The following CCSER1 variants were observed in gnomAD, a reference collection of about 807,000 sequenced individuals.
CCSER1 encodes serine-rich coiled-coil domain-containing protein 1.
Under a neutral mutation model 82.0 loss-of-function variants are expected in CCSER1, and 41 were observed. The observed-to-expected ratio is 0.50, with a 90% CI of 0.39 to 0.65. The LOEUF (loss-of-function observed/expected upper bound fraction) is 0.65. Among genes scored for constraint, CCSER1 ranks in the 30% least tolerant of loss-of-function variants. The probability of loss-of-function intolerance (pLI) is 0.00; values close to 1 mark genes in which losing one functional copy is unlikely to be tolerated. For missense variants in CCSER1, 1,119 were observed against 1,064.2 expected, an observed-to-expected ratio of 1.05 and a Z score of -0.72; for synonymous variants, 414 against 383.9, an observed-to-expected ratio of 1.08 and a Z score of -0.92.
chr4:90,511,938 T>C (rs1053572704), intron 5 of CCSER1, among the ~76,000 whole-genome samples: 40 of 152,018 alleles, frequency 2.6e-4, no homozygotes, highest in African/African-American at 9.2e-4. Context: ...TGAGAAAGTT[T>C]TGTTTGTTCT....
chr4:90,455,287 A>T (rs1762019880), intron 4 of CCSER1, among the ~76,000 whole-genome samples: 1 of 152,182 alleles, frequency 6.6e-6, no homozygotes, highest in Non-Finnish European at 1.5e-5. Context: ...CCTTAGTGCA[A>T]AGGAATATAA....
intron 1 of CCSER1, among the ~76,000 whole-genome samples, chr4:90,200,490 CA>C (rs199985382): frequency 2.6e-5 from 4 of 151,718 alleles, no homozygotes; most frequent in Non-Finnish European, 5.9e-5. Context: ...GAAAATCATA[CA>C]AAAAAACCCA....
intron 10 of CCSER1, among the ~76,000 whole-genome samples, chr4:91,553,750 G>A (rs1762270826): frequency 6.6e-6 from 1 of 150,718 alleles, no homozygotes; most frequent in Non-Finnish European, 1.5e-5. Context: ...TAATTCTGCA[G>A]TATCAGTTGT....
At chr4:91,174,789 A>T (rs1733133518) in intron 10 of CCSER1, among the ~76,000 whole-genome samples, 1 of 148,844 alleles carries the variant, frequency 6.7e-6, no homozygotes, top group South Asian at 2.2e-4. Context: ...AGCTCCTCCT[A>T]GGCCCCATGC....
At chr4:91,029,238 A>G (rs939258642) in intron 9 of CCSER1, among the ~76,000 whole-genome samples, 13 of 151,666 alleles carry the variant, frequency 8.6e-5, no homozygotes, top group African/African-American at 3.1e-4. Flanking sequence ...TGTTTGATAC[A>G]TAATAGTAAT....
At chr4:90,724,714 T>G (rs1317040908) in intron 7 of CCSER1, 1 of 341,254 alleles carries the variant, frequency 2.9e-6, no homozygotes, top group Non-Finnish European at 5.8e-6. Flanking sequence ...GTTGGGATGA[T>G]GTACTTAAGT....
chr4:91,371,401 T>A (rs1208217534), intron 10 of CCSER1, among the ~76,000 whole-genome samples: 1 of 151,880 alleles, frequency 6.6e-6, no homozygotes, highest in Non-Finnish European at 1.5e-5. Flanking sequence ...CATAAATGAA[T>A]GCAAATATTT....
chr4:90,816,047 A>G (rs1365440675), intron 8 of CCSER1, among the ~76,000 whole-genome samples: 2 of 152,200 alleles, frequency 1.3e-5, no homozygotes, highest in Non-Finnish European at 2.9e-5. Context: ...TTTATAATAT[A>G]TGTGGAAATG....
At chr4:90,156,367 G>T (rs1728172947) in intron 1 of CCSER1, among the ~76,000 whole-genome samples, 1 of 152,100 alleles carries the variant, frequency 6.6e-6, no homozygotes, top group South Asian at 2.1e-4. Context: ...GGGGTGGAGA[G>T]GTCTGTAGAT....
At chr4:91,439,138 A>C (rs1342862921) in intron 10 of CCSER1, among the ~76,000 whole-genome samples, 1 of 152,162 alleles carries the variant, frequency 6.6e-6, no homozygotes, top group East Asian at 1.9e-4. Context: ...GAACGCCACA[A>C]AGATACTCCT....
chr4:90,460,432 A>G (rs1002050210), intron 4 of CCSER1, among the ~76,000 whole-genome samples: 5 of 151,888 alleles, frequency 3.3e-5, no homozygotes, highest in Non-Finnish European at 7.4e-5. Flanking sequence ...ACCATCTGTC[A>G]TAAAATGAAA....
intron 9 of CCSER1, among the ~76,000 whole-genome samples, chr4:90,995,041 C>T (rs1032356673): frequency 6.6e-6 from 1 of 152,174 alleles, no homozygotes; most frequent in Non-Finnish European, 1.5e-5. Flanking sequence ...TGATCCATAA[C>T]TTTCATCCAT....
intron 5 of CCSER1, among the ~76,000 whole-genome samples, chr4:90,500,914 G>T (rs1048421429): frequency 4.0e-5 from 6 of 151,598 alleles, no homozygotes; most frequent in African/African-American, 1.5e-4. Flanking sequence ...GGAAACAAAG[G>T]AAAATAAAAT....
chr4:90,755,361 C>G (rs1007333693), intron 7 of CCSER1, among the ~76,000 whole-genome samples: 1 of 152,196 alleles, frequency 6.6e-6, no homozygotes, highest in Non-Finnish European at 1.5e-5. Context: ...AGCTCCCACT[C>G]TCATACATCA....
At chr4:90,886,663 C>T (rs185364362) in intron 8 of CCSER1, among the ~76,000 whole-genome samples, 2 of 152,220 alleles carry the variant, frequency 1.3e-5, no homozygotes, top group East Asian at 3.9e-4. Context: ...CAGAACAGTA[C>T]TATTTGTGAT....
intron 7 of CCSER1, among the ~76,000 whole-genome samples, chr4:90,757,933 C>CTT (rs200053849): frequency 6.6e-5 from 9 of 136,472 alleles, no homozygotes; most frequent in East Asian, 2.1e-4. Context: ...GTTTCCTTTT[C>CTT]TTTTTTTTTT....
intron 10 of CCSER1, among the ~76,000 whole-genome samples, chr4:91,178,137 A>G (rs1733600947): frequency 6.6e-6 from 1 of 152,098 alleles, no homozygotes; most frequent in Non-Finnish European, 1.5e-5. Context: ...GAGTTTCTTA[A>G]TCTTGAGTTC....
rs114592373 is a variant in CCSER1 at position 90,773,839 on chromosome 4, G to A, written c.2011-41923G>A. The stretch of plus-strand genomic sequence containing the variant: ...GAGGTAATAGCTCACATATTTAGAA[G>A]AAGAAATTTAAATATTGAAAGAACA... On this transcript the variant is annotated intron_variant, in intron 7 of 10. Coordinates refer to ENST00000509176, the MANE Select transcript of CCSER1 (RefSeq NM_001145065.2). Among the ~76,000 whole-genome samples the A allele has an allele frequency of 9.5e-3, 1,451 of 152,208 alleles. 24 individuals carry two copies. The highest frequency in any genetic ancestry group is 0.034 in the African/African-American group (1,407 of 41,534).
At chr4:90,704,107 G>T (rs1479702074) in intron 6 of CCSER1, among the ~76,000 whole-genome samples, 1 of 152,166 alleles carries the variant, frequency 6.6e-6, no homozygotes, top group Admixed American at 6.5e-5. Context: ...TGCAGTGGCT[G>T]GTACCGGTTG....
Sources: allele counts gnomAD v4.1 joint callset (sites outside exome capture counted in the v4.1 genomes callset), GRCh38; gene constraint gnomAD v4.1.1; transcripts MANE v1.5; gene names NCBI Gene and HGNC (gene_info 2026-07-23, HGNC 2026-07-21).